Variants in PPIP5K1 observed in about 807,000 individuals in gnomAD.
The protein encoded by PPIP5K1 is diphosphoinositol pentakisphosphate kinase 1, also known as inositol hexakisphosphate and diphosphoinositol-pentakisphosphate kinase 1.
Under a neutral mutation model 27.7 loss-of-function variants are expected in PPIP5K1, and 6 were observed. The observed-to-expected ratio is 0.22, with a 90% confidence interval of 0.12 to 0.43. PPIP5K1 has a LOEUF of 0.43. Among genes scored for constraint, PPIP5K1 ranks in the 20% least tolerant of loss-of-function variants. PPIP5K1 has a pLI of 1.00. For synonymous variants in PPIP5K1, 145 were observed against 242.6 expected (o/e 0.60, Z 3.74); for missense variants, 394 against 635.4 (o/e 0.62, Z 4.08).
At chr15:43,548,901 A>G (rs8041082) in intron 30 of PPIP5K1, among the ~76,000 whole-genome samples, 16 of 150,396 alleles carry the variant, frequency 1.1e-4, no homozygotes. Context: ...GATGGCAAGC[A>G]CCTGTAATCC....
chr15:43,534,602 A>G lies in PPIP5K1; in HGVS notation c.*72T>C. The G allele has an allele frequency of 1.5e-6, 2 of 1,364,978 alleles. No individual in the cohort carries two copies. The highest frequency in any genetic ancestry group is 2.0e-6 in the Non-Finnish European group (2 of 1,008,362). The allele number at this position is 1,364,978 out of a possible 1,614,324, so 84.6% of individuals were successfully genotyped here. A position where few individuals can be genotyped will look rare whatever the true frequency, so the allele number is the denominator to read the frequency against. ...ACTGGCTCTGAGGGTTTGGATCACC[A>G]GATGGATGCTGGGCTTGAGGAATAC... is the stretch of plus-strand genomic sequence containing the variant. On this transcript the variant is annotated 3_prime_UTR_variant, in exon 32 of 32. Transcript: ENST00000420765.
rs535971242 is a variant in PPIP5K1 at position 43,534,102 on chromosome 15, A to G, written c.*572T>C. On this transcript the variant is annotated 3_prime_UTR_variant, in exon 32 of 32. Transcript: ENST00000420765. ...TCACCTGAGGAGTGCTGGCAAAGAC[A>G]AGAGTCCCCTGAATGCACATATGGT... is the stretch of plus-strand genomic sequence containing the variant. 6.5e-6 allele frequency: 1 copy of G among 152,710 alleles called. No homozygotes were observed. The highest frequency in any genetic ancestry group is 2.4e-5 in the African/African-American group (1 of 41,562). The allele number at this position is 152,710 out of a possible 1,614,324, so 9.5% of individuals were successfully genotyped here.
chr15:43,558,330 C>T lies in PPIP5K1; in HGVS notation c.3556+465G>A, dbSNP rs141462007. Among the ~76,000 whole-genome samples, 670 of 151,764 alleles carry T rather than the reference C, an allele frequency of 4.4e-3. 6 individuals carry two copies. Among genetic ancestry groups the T allele is most frequent in the African/African-American group, 0.015 (632 of 41,366 alleles). Reference sequence around the variant, plus strand: ...GCAACCTCTGCCTCCCAGGTTCAAGCGATTCTCCTGCCTCAGCCTCCTGGG... The same window carrying T: ...GCAACCTCTGCCTCCCAGGTTCAAGTGATTCTCCTGCCTCAGCCTCCTGGG... On this transcript the variant is annotated intron_variant, in intron 30 of 31. Transcript: ENST00000420765.
chr15:43,555,484 C>T (rs1342501779), intron 30 of PPIP5K1, among the ~76,000 whole-genome samples: 1 of 151,798 alleles, frequency 6.6e-6, no homozygotes, highest in African/African-American at 2.4e-5. Context: ...TGGGGTTTTG[C>T]CATGTTGCCC....
chr15:43,541,238 GAGTAGCTGGGACT>G (rs968434097), intron 30 of PPIP5K1, among the ~76,000 whole-genome samples: 25 of 151,992 alleles, frequency 1.6e-4, no homozygotes, highest in African/African-American at 5.8e-4. Context: ...TCAGCACCTT[GAGTAGCTGGGACT>G]ACAGGCACAT....
At chr15:43,579,419 C>CACACAT (rs1555441055) in intron 10 of PPIP5K1, among the ~76,000 whole-genome samples, 4 of 116,206 alleles carry the variant, frequency 3.4e-5, no homozygotes, top group East Asian at 2.9e-4. Flanking sequence ...CACACACACA[C>CACACAT]ACACGTATGT....
chr15:43,540,380 A>T (rs72711854), intron 30 of PPIP5K1, among the ~76,000 whole-genome samples: 231 of 152,190 alleles, frequency 1.5e-3, no homozygotes, highest in Non-Finnish European at 2.7e-3. Flanking sequence ...CCTGGTCAAC[A>T]TGGAGAAACC....
At chr15:43,559,963 C>T (rs1286083189) in intron 29 of PPIP5K1, among the ~76,000 whole-genome samples, 6 of 151,884 alleles carry the variant, frequency 4.0e-5, no homozygotes, top group East Asian at 1.9e-4. Flanking sequence ...TGACCATCTT[C>T]GAAGCTCTGG....
intron 30 of PPIP5K1, among the ~76,000 whole-genome samples, chr15:43,551,747 C>T (rs1354127866): frequency 4.1e-5 from 6 of 148,128 alleles, no homozygotes; most frequent in African/African-American, 1.5e-4. Context: ...GGACTACAGG[C>T]GCCCGCCACT....
chr15:43,549,043 AAAAAAAAAAAAAAATATATATATAT>A (rs1243458555), intron 30 of PPIP5K1, among the ~76,000 whole-genome samples: 3 of 96,980 alleles, frequency 3.1e-5, no homozygotes, highest in African/African-American at 1.8e-4. Context: ...AAAAAAAAAA[AAAAAAAAAAAAAAATATATATATAT>A]ATATATATAT....
In PPIP5K1 at chr15:43,535,161, G is replaced by C; in HGVS notation, c.3986C>G (p.Ser1329Cys). The change falls in exon 32 of 32, where the codon TCT becomes TGT. Residue 1329 changes from serine to cysteine, a missense_variant. By Grantham distance (112) the Ser-to-Cys change is moderately radical. This residue lies in a region of PPIP5K1 where 379 missense variants were observed against 423.9 expected (regional missense o/e 0.89). Coordinates refer to ENST00000420765, the MANE Select transcript of PPIP5K1 (RefSeq NM_001394395.1). Reference protein sequence around the residue: ...PDISQPCQDISEALSQPCQKV... With the variant: ...PDISQPCQDICEALSQPCQKV... ...CTGACATGGCTGGCTGAGCGCCTCA[G>C]AAATGTCCTGGCATGGCTGGCTGAT... The C allele has an allele frequency of 6.2e-7, 1 of 1,612,966 alleles. No homozygotes were observed. The highest frequency in any genetic ancestry group is 1.3e-5 in the African/African-American group (1 of 74,586).
chr15:43,536,679 G>T (rs776544021), intron 31 of PPIP5K1, among the ~76,000 whole-genome samples: 3 of 152,060 alleles, frequency 2.0e-5, no homozygotes, highest in Non-Finnish European at 4.4e-5. Flanking sequence ...AATGTTACAG[G>T]CTTGTGCATA....
At chr15:43,553,027 A>C (rs552939387) in intron 30 of PPIP5K1, among the ~76,000 whole-genome samples, 1 of 152,288 alleles carries the variant, frequency 6.6e-6, no homozygotes, top group South Asian at 2.1e-4. Flanking sequence ...CAGAGTGAGA[A>C]TCTGTTTCAA....
chr15:43,534,745 C>G lies in PPIP5K1; in HGVS notation c.4402G>C (p.Asp1468His). Residue 1468 changes from aspartate to histidine, a missense_variant, in exon 32 of 32, where the codon GAT (aspartate) becomes CAT (histidine). Coordinates refer to ENST00000420765, the MANE Select transcript of PPIP5K1 (RefSeq NM_001394395.1). ...TCAGGGAACTCTTGGGATGGTTTAT[C>G]AATCTCAGGGATGCCCTGAGATAAC... ...NLLSQGIPEI[D>H]KPSQEFPEEI... 1.3e-6 allele frequency: 2 copies of G among 1,549,194 alleles called. No individual in the cohort carries two copies. Among genetic ancestry groups the G allele is most frequent in the Non-Finnish European group, 1.7e-6 (2 of 1,150,912 alleles).
intron 31 of PPIP5K1, among the ~76,000 whole-genome samples, chr15:43,536,420 GAA>G (rs75062802): frequency 2.9e-5 from 3 of 103,388 alleles, no homozygotes; most frequent in Non-Finnish European, 2.0e-5. Flanking sequence ...CTCTGTCTCA[GAA>G]AAAAAAAAAA....
intron 30 of PPIP5K1, among the ~76,000 whole-genome samples, chr15:43,551,236 G>C (rs545247396): frequency 2.6e-5 from 4 of 151,892 alleles, no homozygotes; most frequent in African/African-American, 9.6e-5. Flanking sequence ...AATCTTTTTT[G>C]GCTGGACGCA....
In PPIP5K1 at chr15:43,539,476, G is replaced by A; in HGVS notation, c.3664C>T (p.Pro1222Ser). ...TTCCAAAAGGATTACTTACACCAAG[G>A]GGGCTTCTCAGAGCGCTGCTGGAGT... The part of the protein sequence containing the change: ...LQLQQRSEKP[P>S]WYSSGPSSTV... Residue 1222 changes from proline (P) to serine (S), a missense_variant, in exon 31 of 32, where the codon CCT (proline) becomes TCT (serine). Coordinates refer to ENST00000420765, the MANE Select transcript of PPIP5K1 (RefSeq NM_001394395.1). 1 of 1,580,278 alleles carries A rather than the reference G, an allele frequency of 6.3e-7. No individual in the cohort carries two copies. The highest frequency in any genetic ancestry group is 8.7e-7 in the Non-Finnish European group (1 of 1,153,606).
chr15:43,579,415 C>CACACACACACGTATGTGTACAT (rs1555441040), intron 10 of PPIP5K1, among the ~76,000 whole-genome samples: 31 of 117,306 alleles, frequency 2.6e-4, no homozygotes, highest in African/African-American at 1.7e-3. Flanking sequence ...CACACACACA[C>CACACACACACGTATGTGTACAT]ACACACACGT....
At chr15:43,561,500 A>AC (rs1479544074) in intron 28 of PPIP5K1, among the ~76,000 whole-genome samples, 1 of 149,144 alleles carries the variant, frequency 6.7e-6, no homozygotes, top group Non-Finnish European at 1.5e-5. Flanking sequence ...GAAGGCAGTC[A>AC]AAGCCATGTG....
Sources: allele counts gnomAD v4.1 joint callset (sites outside exome capture counted in the v4.1 genomes callset), GRCh38; gene constraint gnomAD v4.1.1; regional missense constraint gnomAD v4.1.1; transcripts MANE v1.5; gene names NCBI Gene and HGNC (gene_info 2026-07-23, HGNC 2026-07-21).